The following ST8SIA5 variants were observed in gnomAD, a reference collection of about 807,000 sequenced individuals.
ST8SIA5 encodes alpha-2,8-sialyltransferase 8E.
A neutral mutation model predicts 40.2 loss-of-function variants in ST8SIA5; 24 were observed. The observed-to-expected ratio is 0.60, with a 90% CI of 0.43 to 0.84. The LOEUF (loss-of-function observed/expected upper bound fraction) is 0.84, where lower values mean the gene tolerates loss of function less well. Among genes scored for constraint, ST8SIA5 ranks in the 40% least tolerant of loss-of-function variants. The probability of loss-of-function intolerance (pLI) is 0.00; values close to 1 mark genes in which losing one functional copy is unlikely to be tolerated. For synonymous variants in ST8SIA5, 198 were observed against 201.8 expected (o/e 0.98, Z 0.16); for missense variants, 465 against 498.5 (o/e 0.93, Z 0.64).
Position 46,704,618 on chromosome 18 carries a change from A to G in ST8SIA5, c.178T>C (p.Cys60Arg), listed in dbSNP as rs753320356. The change falls in exon 2 of 7, where the codon TGC (cysteine) becomes CGC (arginine). Residue 60 changes from cysteine (C) to arginine (R), a missense_variant. Cys to Arg is a radical substitution (Grantham distance 180). Transcript: ENST00000315087. ...EGPFEYNSTRCLELRHEILEV... is the reference protein window; with the variant it reads ...EGPFEYNSTRRLELRHEILEV... ...AATATTTCGTGCCTCAGCTCCAGGC[A>G]TCTTGTGGAGTTATATTCAAAAGGC... is the stretch of plus-strand genomic sequence containing the variant. 1 of 1,613,908 alleles carries G rather than the reference A, an allele frequency of 6.2e-7. No homozygotes were observed. The highest frequency in any genetic ancestry group is 8.5e-7 in the Non-Finnish European group (1 of 1,179,988).
chr18:46,754,639 G>A (rs1445130476), intron 1 of ST8SIA5, among the ~76,000 whole-genome samples: 1 of 152,248 alleles, frequency 6.6e-6, no homozygotes, highest in Non-Finnish European at 1.5e-5. Context: ...TGTGAGGGAG[G>A]AAGGGAAGCA....
At position 46,686,178 on chromosome 18, in the gene ST8SIA5, A is replaced by G; in HGVS notation, c.565T>C (p.Phe189Leu). ...CAGTGCCAGGGTTTCTTTTACCGGAAGACGAAGTCGGCGCTGTTGATCTCC... is the reference window on the plus strand; with the variant it reads ...CAGTGCCAGGGTTTCTTTTACCGGAGGACGAAGTCGGCGCTGTTGATCTCC... ...GREINSADFV[F>L]RCNLPPISEK... Residue 189 changes from phenylalanine (F) to leucine (L), a missense_variant, in exon 5 of 7, where the codon TTC becomes CTC. Coordinates refer to ENST00000315087, the MANE Select transcript of ST8SIA5 (RefSeq NM_013305.6). 1.9e-6 allele frequency: 3 copies of G among 1,614,134 alleles called. No homozygotes were observed. The highest frequency in any genetic ancestry group is 2.5e-6 in the Non-Finnish European group (3 of 1,180,002).
chr18:46,707,574 T>C (rs2039682334), intron 1 of ST8SIA5, among the ~76,000 whole-genome samples: 1 of 152,142 alleles, frequency 6.6e-6, no homozygotes, highest in Admixed American at 6.5e-5. Context: ...GTGCCGTGGT[T>C]TTGGTGGTGC....
chr18:46,727,613 A>G (rs1385667876), intron 1 of ST8SIA5, among the ~76,000 whole-genome samples: 1 of 152,194 alleles, frequency 6.6e-6, no homozygotes, highest in East Asian at 1.9e-4. Flanking sequence ...ACAGATTTAC[A>G]TGTTATTTCA....
At position 46,725,386 on chromosome 18, in the gene ST8SIA5, G is replaced by T. The variant is rs61710689; in HGVS notation, c.132-20722C>A. ...GACTTCTTCCCACAGCATGCATGAA[G>T]GGTCAGCTAGCCAGCCACACTGTCA... On this transcript the variant is annotated intron_variant, in intron 1 of 6. Transcript: ENST00000315087. 3.8e-3 allele frequency among the ~76,000 whole-genome samples: 583 copies of T among 152,254 alleles called. 6 individuals are homozygous for T. The highest frequency in any genetic ancestry group is 0.014 in the African/African-American group (567 of 41,546).
intron 1 of ST8SIA5, among the ~76,000 whole-genome samples, chr18:46,741,365 C>T (rs2040084947): frequency 6.6e-6 from 1 of 152,066 alleles, no homozygotes. Flanking sequence ...ATTAATAAGT[C>T]TTAATTAGTA....
At chr18:46,744,194 G>C (rs1290268423) in intron 1 of ST8SIA5, among the ~76,000 whole-genome samples, 2 of 152,118 alleles carry the variant, frequency 1.3e-5, no homozygotes, top group African/African-American at 2.4e-5. Flanking sequence ...ATAATGACGG[G>C]ATCAAATTCA....
chr18:46,712,349 T>A (rs2039741111), intron 1 of ST8SIA5, among the ~76,000 whole-genome samples: 1 of 152,276 alleles, frequency 6.6e-6, no homozygotes, highest in East Asian at 1.9e-4. Flanking sequence ...CCTTCCTTCA[T>A]CTTCCGCCAA....
chr18:46,718,858 A>G (rs1396105719), intron 1 of ST8SIA5, among the ~76,000 whole-genome samples: 4 of 152,168 alleles, frequency 2.6e-5, no homozygotes, highest in Non-Finnish European at 4.4e-5. Flanking sequence ...AGAGTTGTCA[A>G]TTGGGACAAT....
At chr18:46,718,091 G>A (rs545323536) in intron 1 of ST8SIA5, among the ~76,000 whole-genome samples, 1 of 152,262 alleles carries the variant, frequency 6.6e-6, no homozygotes, top group African/African-American at 2.4e-5. Flanking sequence ...CACCTTGGGA[G>A]GCTGAGGCAG....
chr18:46,695,115 T>G (rs1206281388), intron 2 of ST8SIA5, among the ~76,000 whole-genome samples: 3 of 148,672 alleles, frequency 2.0e-5, no homozygotes. Flanking sequence ...GCCGAGATTG[T>G]GCCATTGCAC....
At chr18:46,755,704 G>A (rs58095490) in intron 1 of ST8SIA5, among the ~76,000 whole-genome samples, 3 of 152,116 alleles carry the variant, frequency 2.0e-5, no homozygotes, top group Non-Finnish European at 4.4e-5. Flanking sequence ...AGTAGGGGGA[G>A]AGCCCAACGA....
At chr18:46,717,005 ACAGTGT>A (rs1331841747) in intron 1 of ST8SIA5, among the ~76,000 whole-genome samples, 1 of 152,180 alleles carries the variant, frequency 6.6e-6, no homozygotes, top group Non-Finnish European at 1.5e-5. Context: ...CTCTGCTGGG[ACAGTGT>A]CTGGGGGACT....
At chr18:46,697,173 G>A (rs897755413) in intron 2 of ST8SIA5, among the ~76,000 whole-genome samples, 23 of 149,640 alleles carry the variant, frequency 1.5e-4, no homozygotes, top group African/African-American at 4.9e-4. Flanking sequence ...AGATCTGGCC[G>A]TTCTAGCAAC....
chr18:46,671,085 G>A lies in ST8SIA5; in HGVS notation c.*8957C>T, dbSNP rs1457702850. On this transcript the variant is annotated 3_prime_UTR_variant, in exon 7 of 7. Transcript: ENST00000315087. ...GGGGCTGAGTGAATTTGCTGGGTTC[G>A]ATCCTAGGAAGTGAGTTGTGTTTTC... 1.3e-5 allele frequency: 2 copies of A among 152,240 alleles called. No homozygotes were observed. The highest frequency in any genetic ancestry group is 1.5e-5 in the Non-Finnish European group (1 of 68,014). The allele number at this position is 152,240 out of a possible 1,614,324, so 9.4% of individuals were successfully genotyped here. A position where few individuals can be genotyped will look rare whatever the true frequency, so the allele number is the denominator to read the frequency against.
At chr18:46,731,756 G>A (rs2039986777) in intron 1 of ST8SIA5, 1 of 152,274 alleles carries the variant, frequency 6.6e-6, no homozygotes. Flanking sequence ...GTTAGGGATG[G>A]CACCATAACA....
chr18:46,697,860 T>C (rs2039571759), intron 2 of ST8SIA5, among the ~76,000 whole-genome samples: 1 of 152,118 alleles, frequency 6.6e-6, no homozygotes, highest in Non-Finnish European at 1.5e-5. Context: ...AATAAAAAGA[T>C]TCCACATTTC....
At chr18:46,730,372 A>G (rs2039974331) in intron 1 of ST8SIA5, 1 of 482,566 alleles carries the variant, frequency 2.1e-6, no homozygotes, top group Non-Finnish European at 2.7e-6. Context: ...CTACAAAAGC[A>G]GACATATAAA....
intron 2 of ST8SIA5, among the ~76,000 whole-genome samples, chr18:46,698,358 C>T (rs2039577864): frequency 6.6e-6 from 1 of 151,838 alleles, no homozygotes; most frequent in African/African-American, 2.4e-5. Flanking sequence ...ATCAACCCAA[C>T]AATCCACAAC....
Sources: gnomAD v4.1 joint callset for allele counts (sites outside exome capture counted in the v4.1 genomes callset) on GRCh38, gnomAD v4.1.1 for gene constraint, MANE v1.5 for transcripts, NCBI Gene and HGNC (gene_info 2026-07-23, HGNC 2026-07-21) for gene names.